The following ASIC2 variants were observed in gnomAD, a reference collection of about 807,000 sequenced individuals.
ASIC2 encodes acid sensing ion channel subunit 2.
ASIC2 carries 25 observed loss-of-function variants against 57.3 expected under a neutral mutation model. That is an observed-to-expected ratio of 0.44 (90% CI 0.32 to 0.61). The LOEUF (loss-of-function observed/expected upper bound fraction) is 0.61, where lower values mean the gene tolerates loss of function less well. ASIC2 is among the 20% of genes least tolerant of loss of function. ASIC2 has a pLI of 0.06. For missense variants in ASIC2, 641 were observed against 738.1 expected, an observed-to-expected ratio of 0.87 and a Z score of 1.52; for synonymous variants, 319 against 307.5, an observed-to-expected ratio of 1.04 and a Z score of -0.39.
At chr17:33,439,089 C>T (rs1027989763) in intron 1 of ASIC2, among the ~76,000 whole-genome samples, 10 of 152,182 alleles carry the variant, frequency 6.6e-5, no homozygotes, top group African/African-American at 2.4e-4. Context: ...GGTAATCTTG[C>T]CTCCTTGGCC....
intron 1 of ASIC2, among the ~76,000 whole-genome samples, chr17:33,656,524 C>T (rs1907081247): frequency 6.6e-6 from 1 of 152,208 alleles, no homozygotes; most frequent in Non-Finnish European, 1.5e-5. Context: ...AGTATGCCCA[C>T]TGCACTTAGT....
chr17:33,901,190 C>T (rs1180949103), intron 1 of ASIC2, among the ~76,000 whole-genome samples: 1 of 152,148 alleles, frequency 6.6e-6, no homozygotes, highest in Admixed American at 6.5e-5. Context: ...TCTTTCTCAC[C>T]ATTCACTCCT....
At chr17:33,878,739 T>C (rs532340469) in intron 1 of ASIC2, among the ~76,000 whole-genome samples, 6 of 152,248 alleles carry the variant, frequency 3.9e-5, no homozygotes, top group African/African-American at 1.4e-4. Flanking sequence ...TACATTCACA[T>C]TCAGGAAATA....
intron 1 of ASIC2, among the ~76,000 whole-genome samples, chr17:33,555,861 G>A (rs1915892734): frequency 6.6e-6 from 1 of 152,126 alleles, no homozygotes; most frequent in Admixed American, 6.6e-5. Flanking sequence ...CTCTAGCTGA[G>A]TTCTACCAAA....
At chr17:33,392,008 C>T (rs1296511151) in intron 1 of ASIC2, among the ~76,000 whole-genome samples, 5 of 152,144 alleles carry the variant, frequency 3.3e-5, no homozygotes, top group Middle Eastern at 3.2e-3. Context: ...TCCCCAAAAC[C>T]GCTCCTCTGG....
chr17:34,139,730 T>G (rs1320805761), intron 1 of ASIC2, among the ~76,000 whole-genome samples: 1 of 152,038 alleles, frequency 6.6e-6, no homozygotes, highest in African/African-American at 2.4e-5. Context: ...GAAAATAGAT[T>G]AATGATCACC....
chr17:33,523,385 T>C (rs1393361115), intron 1 of ASIC2, among the ~76,000 whole-genome samples: 1 of 152,092 alleles, frequency 6.6e-6, no homozygotes, highest in Non-Finnish European at 1.5e-5. Context: ...GCCTCCCGAG[T>C]AGCTGGAATT....
At chr17:33,503,597 G>A (rs565588469) in intron 1 of ASIC2, among the ~76,000 whole-genome samples, 84 of 152,092 alleles carry the variant, frequency 5.5e-4, no homozygotes, top group Non-Finnish European at 9.3e-4. Flanking sequence ...GCCCACAGAG[G>A]CTCTACATCT....
At chr17:33,390,697 C>A (rs754217944) in intron 1 of ASIC2, among the ~76,000 whole-genome samples, 1 of 152,198 alleles carries the variant, frequency 6.6e-6, no homozygotes, top group Non-Finnish European at 1.5e-5. Context: ...CCGCTAGGAC[C>A]TCTCCACAGG....
At chr17:33,638,495 C>T (rs188594048) in intron 1 of ASIC2, among the ~76,000 whole-genome samples, 13 of 152,166 alleles carry the variant, frequency 8.5e-5, no homozygotes, top group Non-Finnish European at 1.2e-4. Context: ...TGTTGTCTGC[C>T]GAGGATGTAA....
At chr17:33,881,200 G>C (rs1033613474) in intron 1 of ASIC2, among the ~76,000 whole-genome samples, 9 of 152,212 alleles carry the variant, frequency 5.9e-5, no homozygotes, top group African/African-American at 1.2e-4. Context: ...AAAACTGGCA[G>C]AAGACAGGAA....
intron 1 of ASIC2, among the ~76,000 whole-genome samples, chr17:33,335,599 G>C (rs539416842): frequency 1.3e-5 from 2 of 152,218 alleles, no homozygotes; most frequent in South Asian, 4.2e-4. Context: ...CATATGCGTG[G>C]GGACTTACAG....
chr17:33,340,397 T>A (rs1442179761), intron 1 of ASIC2, among the ~76,000 whole-genome samples: 2 of 152,184 alleles, frequency 1.3e-5, no homozygotes, highest in African/African-American at 4.8e-5. Flanking sequence ...AAGTTCTTAA[T>A]TAACTACAAA....
chr17:34,119,612 GAC>G lies in ASIC2; in HGVS notation c.555+36364_555+36365del, dbSNP rs71369048. On this transcript the variant is annotated intron_variant, in intron 1 of 9. Transcript: ENST00000359872. ...CTATGAGCTTCCCTTTCTCTACACA[GAC>G]ACACACACACACACACACACACACA... Among the ~76,000 whole-genome samples the G allele has an allele frequency of 6.9e-3, 1,016 of 148,002 alleles. 9 individuals carry two copies. Among genetic ancestry groups the G allele is most frequent in the African/African-American group, 0.022 (831 of 38,546 alleles).
chr17:34,093,914 C>T (rs182550236), intron 1 of ASIC2, among the ~76,000 whole-genome samples: 13 of 152,222 alleles, frequency 8.5e-5, no homozygotes, highest in African/African-American at 2.6e-4. Flanking sequence ...TGAGGTACTC[C>T]TAATGGCGAA....
At chr17:33,589,395 C>G (rs746121473) in intron 1 of ASIC2, among the ~76,000 whole-genome samples, 6 of 152,160 alleles carry the variant, frequency 3.9e-5, no homozygotes, top group Non-Finnish European at 7.3e-5. Flanking sequence ...TTTAACCATT[C>G]TTATGTGTAT....
intron 1 of ASIC2, among the ~76,000 whole-genome samples, chr17:33,159,708 GA>G (rs1905108058): frequency 6.6e-6 from 1 of 152,212 alleles, no homozygotes; most frequent in Non-Finnish European, 1.5e-5. Flanking sequence ...GGGCTGGTTT[GA>G]AGTAGATTTA....
At chr17:33,527,467 G>A (rs1382914351) in intron 1 of ASIC2, among the ~76,000 whole-genome samples, 1 of 152,112 alleles carries the variant, frequency 6.6e-6, no homozygotes, top group East Asian at 1.9e-4. Flanking sequence ...TTCCACATGA[G>A]GATTAAATGA....
chr17:33,904,163 C>CAAAAAAAAAAA (rs769795292), intron 1 of ASIC2, among the ~76,000 whole-genome samples: 1 of 55,858 alleles, frequency 1.8e-5, no homozygotes, highest in Non-Finnish European at 3.1e-5. Flanking sequence ...AACTCCGTCT[C>CAAAAAAAAAAA]AAAAAAAAAA....
Sources: allele counts gnomAD v4.1 joint callset (sites outside exome capture counted in the v4.1 genomes callset), GRCh38; gene constraint gnomAD v4.1.1; transcripts MANE v1.5; gene names NCBI Gene and HGNC (gene_info 2026-07-23, HGNC 2026-07-21).